Variants in PRKG1 observed in about 807,000 individuals in gnomAD.
PRKG1 encodes the protein protein kinase cGMP-dependent 1.
Under a neutral mutation model 88.1 loss-of-function variants are expected in PRKG1, and 35 were observed. That is an observed-to-expected ratio of 0.40 (90% CI 0.30 to 0.53). PRKG1 has a LOEUF of 0.53. Among genes scored for constraint, PRKG1 ranks in the 20% least tolerant of loss-of-function variants. The pLI is 0.59. For missense variants in PRKG1, 540 were observed against 839.8 expected (o/e 0.64, Z 4.41); for synonymous variants, 303 against 292.5 (o/e 1.04, Z -0.37).
intron 8 of PRKG1, among the ~76,000 whole-genome samples, chr10:52,159,587 G>A (rs1193897299): frequency 6.6e-6 from 1 of 151,624 alleles, no homozygotes; most frequent in Non-Finnish European, 1.5e-5. Context: ...ATTTCAAAGT[G>A]TATTTTCAAA....
rs143433501 is a variant in PRKG1, at chr10:51,775,439, G to A, written c.593-29146G>A. Among the ~76,000 whole-genome samples, 106 of 152,166 alleles carry A rather than the reference G, an allele frequency of 7.0e-4. 1 individual carries two copies. In the East Asian group the frequency reaches 0.011, roughly 16 times the overall value. On this transcript the variant is annotated intron_variant, in intron 3 of 17. Transcript: ENST00000373980. ...TTTCTCCTACTTTGAAAGGGCTTAT[G>A]ACATGGACATTTTGAATTTAAAAAT...
At chr10:51,753,465 T>C (rs1398504640) in intron 3 of PRKG1, among the ~76,000 whole-genome samples, 1 of 152,136 alleles carries the variant, frequency 6.6e-6, no homozygotes, top group Non-Finnish European at 1.5e-5. Context: ...AGACACTCGG[T>C]CGGTACAAAT....
intron 10 of PRKG1, among the ~76,000 whole-genome samples, chr10:52,255,994 A>C (rs1038128542): frequency 1.3e-5 from 2 of 148,430 alleles, no homozygotes; most frequent in Non-Finnish European, 3.0e-5. Context: ...ATTTTACAGG[A>C]AAGAAGACAA....
chr10:51,537,466 C>T (rs897551280), intron 3 of PRKG1, among the ~76,000 whole-genome samples: 1 of 152,136 alleles, frequency 6.6e-6, no homozygotes, highest in Non-Finnish European at 1.5e-5. Context: ...GGCGTGGTGG[C>T]TCACGCCTGT....
intron 3 of PRKG1, among the ~76,000 whole-genome samples, chr10:51,737,756 A>AT (rs1564627530): frequency 2.1e-4 from 23 of 108,912 alleles, no homozygotes; most frequent in South Asian, 1.1e-3. Flanking sequence ...TATTATTATT[A>AT]TTATTATTAT....
intron 2 of PRKG1, among the ~76,000 whole-genome samples, chr10:51,436,552 G>T (rs1219565568): frequency 6.6e-6 from 1 of 151,898 alleles, no homozygotes; most frequent in Non-Finnish European, 1.5e-5. Flanking sequence ...CTTTAACTTT[G>T]CCTGTCACAC....
chr10:51,440,286 G>T (rs1839063312), intron 2 of PRKG1, among the ~76,000 whole-genome samples: 1 of 151,672 alleles, frequency 6.6e-6, no homozygotes, highest in South Asian at 2.1e-4. Flanking sequence ...ACTTACAATG[G>T]CTTGACTTAC....
At chr10:51,861,009 G>A (rs532447273) in intron 4 of PRKG1, among the ~76,000 whole-genome samples, 2 of 152,220 alleles carry the variant, frequency 1.3e-5, no homozygotes, top group South Asian at 4.1e-4. Context: ...CATGTGTTGG[G>A]TACTCACTAC....
intron 10 of PRKG1, among the ~76,000 whole-genome samples, chr10:52,258,942 C>G (rs1232195485): frequency 2.6e-5 from 4 of 151,900 alleles, no homozygotes; most frequent in South Asian, 4.2e-4. Flanking sequence ...GGGGAAAGGC[C>G]ATTCTGAGAA....
intron 4 of PRKG1, among the ~76,000 whole-genome samples, chr10:51,877,706 C>T (rs1287100421): frequency 6.6e-6 from 1 of 152,180 alleles, no homozygotes; most frequent in Non-Finnish European, 1.5e-5. Context: ...AAAAAGATTA[C>T]ACCAAGAGGA....
chr10:51,940,911 T>G (rs1267459175), intron 5 of PRKG1, among the ~76,000 whole-genome samples: 1 of 151,998 alleles, frequency 6.6e-6, no homozygotes, highest in African/African-American at 2.4e-5. Flanking sequence ...AAGTGAGAGA[T>G]AGAACAATTT....
At chr10:51,060,216 A>G (rs1182240083) in intron 1 of PRKG1, among the ~76,000 whole-genome samples, 1 of 151,960 alleles carries the variant, frequency 6.6e-6, no homozygotes, top group Non-Finnish European at 1.5e-5. Flanking sequence ...CTTGTAAAAT[A>G]TATATAGTTT....
At chr10:51,434,313 C>G (rs912405188) in intron 2 of PRKG1, among the ~76,000 whole-genome samples, 1 of 152,088 alleles carries the variant, frequency 6.6e-6, no homozygotes, top group African/African-American at 2.4e-5. Flanking sequence ...ATCATGTTCA[C>G]AGTAAAGCCA....
At chr10:51,096,105 TAG>T (rs1844520660) in intron 1 of PRKG1, among the ~76,000 whole-genome samples, 1 of 152,132 alleles carries the variant, frequency 6.6e-6, no homozygotes. Flanking sequence ...TTAATAAATT[TAG>T]TAGTGTTTCT....
chr10:51,450,401 C>T (rs1359931853), intron 2 of PRKG1, among the ~76,000 whole-genome samples: 4 of 151,886 alleles, frequency 2.6e-5, no homozygotes, highest in Non-Finnish European at 4.4e-5. Flanking sequence ...CCCTGTTCCT[C>T]CTATGACCAA....
chr10:51,339,805 T>C (rs1240032726), intron 2 of PRKG1, among the ~76,000 whole-genome samples: 2 of 152,090 alleles, frequency 1.3e-5, no homozygotes, highest in African/African-American at 4.8e-5. Context: ...AGTATTATCT[T>C]ACTGTTGATA....
chr10:52,033,356 A>G (rs117951829), intron 5 of PRKG1, among the ~76,000 whole-genome samples: 2 of 152,344 alleles, frequency 1.3e-5, no homozygotes, highest in Non-Finnish European at 2.9e-5. Context: ...ATAAAACAAC[A>G]GCACACTTCT....
intron 3 of PRKG1, among the ~76,000 whole-genome samples, chr10:51,721,246 A>G (rs1183452747): frequency 1.3e-5 from 2 of 151,966 alleles, no homozygotes; most frequent in African/African-American, 4.8e-5. Flanking sequence ...AAAAAAAGTA[A>G]AACACTTAAC....
intron 3 of PRKG1, among the ~76,000 whole-genome samples, chr10:51,599,262 T>G (rs1838536467): frequency 6.6e-6 from 1 of 152,154 alleles, no homozygotes; most frequent in South Asian, 2.1e-4. Flanking sequence ...GGTTGGGTGT[T>G]ACTCATGTCT....
Sources: allele counts gnomAD v4.1 joint callset (sites outside exome capture counted in the v4.1 genomes callset), GRCh38; gene constraint gnomAD v4.1.1; transcripts MANE v1.5; gene names NCBI Gene and HGNC (gene_info 2026-07-23, HGNC 2026-07-21).